Variants in LMOD1 observed in about 807,000 individuals in gnomAD.
The protein encoded by LMOD1 is leiomodin 1.
A neutral mutation model predicts 36.5 loss-of-function variants in LMOD1; 8 were observed. The observed-to-expected ratio is 0.22, with a 90% CI of 0.13 to 0.40. The LOEUF (loss-of-function observed/expected upper bound fraction) is 0.40, where lower values mean the gene tolerates loss of function less well. Among genes scored for constraint, LMOD1 ranks in the 10% least tolerant of loss-of-function variants. LMOD1 has a pLI of 1.00. For missense variants in LMOD1, 630 were observed against 751.1 expected, an observed-to-expected ratio of 0.84 and a Z score of 1.88; for synonymous variants, 284 against 288.7, an observed-to-expected ratio of 0.98 and a Z score of 0.17.
chr1:201,946,173 C>A lies in LMOD1; in HGVS notation c.168G>T (p.Glu56Asp). 1 of 1,614,038 alleles carries A rather than the reference C, an allele frequency of 6.2e-7. No homozygotes were observed. Among genetic ancestry groups the A allele is most frequent in the East Asian group, 2.2e-5 (1 of 44,882 alleles). The part of the protein sequence containing the change: ...PVGLRQRNQT[E>D]KQSTGVYNRE... ...GGTTGTACACACCCGTGGACTGTTT[C>A]TCCGTCTGGTTTCTCTGCCGCAGCC... The change falls in exon 1 of 3, where the codon GAG becomes GAT. Residue 56 changes from glutamate to aspartate, a missense_variant. Transcript: ENST00000367288.
chr1:201,930,024 A>C (rs1681892384), intron 1 of LMOD1, among the ~76,000 whole-genome samples: 1 of 152,162 alleles, frequency 6.6e-6, no homozygotes, highest in African/African-American at 2.4e-5. Context: ...TCCCAGTTGG[A>C]GGCGACAATA....
chr1:201,899,858 G>T lies in LMOD1; in HGVS notation c.1155C>A (p.Ala385=). The T allele has an allele frequency of 6.2e-7, 1 of 1,614,002 alleles. No homozygotes were observed. Among genetic ancestry groups the T allele is most frequent in the African/African-American group, 1.3e-5 (1 of 75,050 alleles). The change falls in exon 2 of 3, where the codon GCC becomes GCA. Residue 385 remains alanine, a synonymous_variant. Coordinates refer to ENST00000367288, the MANE Select transcript of LMOD1 (RefSeq NM_012134.3). This position sits in a 1 kb window ranked among gnomAD's most constrained non-coding sequence, Gnocchi z 6.3. ...VAFAIAIMLK[A]NKTITSLNLD... ...GGTTGAGGCTGGTGATGGTCTTGTT[G>T]GCCTTGAGCATGATGGCAATGGCAA...
At chr1:201,904,850 G>A (rs548909292) in intron 1 of LMOD1, among the ~76,000 whole-genome samples, 1 of 152,292 alleles carries the variant, frequency 6.6e-6, no homozygotes, top group African/African-American at 2.4e-5. Flanking sequence ...CCAGGGCTGG[G>A]ATTTCTGTTG....
At chr1:201,937,636 C>A (rs1379302936) in intron 1 of LMOD1, among the ~76,000 whole-genome samples, 1 of 151,994 alleles carries the variant, frequency 6.6e-6, no homozygotes, top group African/African-American at 2.4e-5. Flanking sequence ...CATGGTGGTG[C>A]ACAACTGTAG....
Position 201,904,689 on chromosome 1 carries a change from GA to G in LMOD1, c.262-3939del, listed in dbSNP as rs1340613324. ...GCCAACACTTTAAAAAGAACCTAAT[GA>G]AAAACAGGCTGGGGGTGGGAGGGAA... is the stretch of plus-strand genomic sequence containing the variant. On this transcript the variant is annotated intron_variant, in intron 1 of 2. Coordinates refer to ENST00000367288, the MANE Select transcript of LMOD1 (RefSeq NM_012134.3). Among the ~76,000 whole-genome samples the G allele has an allele frequency of 1.1e-4, 16 of 152,156 alleles. No individual in the cohort carries two copies. The East Asian group carries it at 2.7e-3, about 26-fold the overall frequency.
chr1:201,938,131 C>CTT (rs200629884), intron 1 of LMOD1, among the ~76,000 whole-genome samples: 6,831 of 139,366 alleles, frequency 0.049, 348 homozygotes, highest in African/African-American at 0.13. Flanking sequence ...TTGTAATTTC[C>CTT]TTTTTTTTTT....
At chr1:201,927,053 T>C (rs1415520248) in intron 1 of LMOD1, among the ~76,000 whole-genome samples, 1 of 152,232 alleles carries the variant, frequency 6.6e-6, no homozygotes, top group African/African-American at 2.4e-5. Context: ...TTTTGCATAC[T>C]GTCTATGATG....
At chr1:201,938,400 A>G (rs748833340) in intron 1 of LMOD1, among the ~76,000 whole-genome samples, 2 of 152,162 alleles carry the variant, frequency 1.3e-5, no homozygotes, top group Non-Finnish European at 2.9e-5. Context: ...AAGTGCTGGG[A>G]TTACAGGCAT....
At chr1:201,903,625 C>G (rs1681365544) in intron 1 of LMOD1, among the ~76,000 whole-genome samples, 1 of 152,236 alleles carries the variant, frequency 6.6e-6, no homozygotes, top group African/African-American at 2.4e-5. Context: ...GAAATTCCCT[C>G]TCCTATTCCC....
chr1:201,901,843 A>G (rs1051874785), intron 1 of LMOD1, among the ~76,000 whole-genome samples: 1 of 148,920 alleles, frequency 6.7e-6, no homozygotes, highest in Non-Finnish European at 1.5e-5. Context: ...TGAGATACAG[A>G]AATTTTATAA....
At chr1:201,932,346 A>T (rs1157941659) in intron 1 of LMOD1, among the ~76,000 whole-genome samples, 3 of 152,090 alleles carry the variant, frequency 2.0e-5, no homozygotes, top group Non-Finnish European at 4.4e-5. Context: ...GAGGAATCTG[A>T]CCTGGGCTTT....
At chr1:201,898,733 G>A (rs759875112) in intron 2 of LMOD1, among the ~76,000 whole-genome samples, 1 of 152,182 alleles carries the variant, frequency 6.6e-6, no homozygotes, top group Admixed American at 6.5e-5. Context: ...AGGGTGTCCA[G>A]GGATGGCTCC....
chr1:201,907,453 A>G (rs1681429550), intron 1 of LMOD1, among the ~76,000 whole-genome samples: 1 of 152,180 alleles, frequency 6.6e-6, no homozygotes, highest in African/African-American at 2.4e-5. Context: ...CTCCTATCTG[A>G]GCCCCTGCCC....
rs754936578 is a variant in LMOD1 at position 201,946,183 on chromosome 1, T to C, written c.158A>G (p.Asn53Ser). ...ACCCGTGGACTGTTTCTCCGTCTGG[T>C]TTCTCTGCCGCAGCCCCACGGGAAC... ...GSVPVGLRQRNQTEKQSTGVY... is the reference protein window; with the variant it reads ...GSVPVGLRQRSQTEKQSTGVY... Residue 53 changes from asparagine to serine, a missense_variant, in exon 1 of 3, where the codon AAC becomes AGC. Around this residue, in one of 3 missense-constraint regions of LMOD1, gnomAD observed 405 missense variants for 400.6 expected, o/e 1.01. Transcript: ENST00000367288. The C allele has an allele frequency of 2.5e-6, 4 of 1,614,008 alleles. No homozygotes were observed. In the Admixed American group the frequency reaches 6.7e-5, roughly 27 times the overall value.
chr1:201,908,972 C>T (rs1681451489), intron 1 of LMOD1, among the ~76,000 whole-genome samples: 1 of 152,232 alleles, frequency 6.6e-6, no homozygotes, highest in Admixed American at 6.5e-5. Context: ...GAGGCTTGTG[C>T]TCTCATTCCG....
rs537273948 is a variant in LMOD1, at chr1:201,900,656, T to C, written c.357A>G (p.Ser119=). Residue 119 remains serine, a synonymous_variant, in exon 2 of 3, where the codon TCA becomes TCG. Transcript: ENST00000367288. The stretch of plus-strand genomic sequence containing the variant: ...CCCTCTTTGGCTCCTTCCCCAGATC[T>C]GAGTCCCGTCTGGGGCCCAGGGCTT... ...SKKALGPRRD[S]DLGKEPKRGG... is the part of the protein sequence containing the mutation. 6.8e-5 allele frequency: 109 copies of C among 1,613,912 alleles called. No homozygotes were observed. The South Asian group carries it at 1.1e-3, about 17-fold the overall frequency.
At chr1:201,910,390 C>T (rs1159654982) in intron 1 of LMOD1, among the ~76,000 whole-genome samples, 1 of 152,036 alleles carries the variant, frequency 6.6e-6, no homozygotes. Context: ...CTTCCCACCT[C>T]AGGCTCCTGA....
At chr1:201,941,619 C>A (rs1009745739) in intron 1 of LMOD1, among the ~76,000 whole-genome samples, 7 of 152,240 alleles carry the variant, frequency 4.6e-5, no homozygotes, top group African/African-American at 1.7e-4. Context: ...GGTTAGGCCG[C>A]CGGCCTCGGG....
intron 1 of LMOD1, among the ~76,000 whole-genome samples, chr1:201,911,636 G>C (rs1681498733): frequency 6.6e-6 from 1 of 152,170 alleles, no homozygotes; most frequent in South Asian, 2.1e-4. Flanking sequence ...CTGCACTCTA[G>C]CCTGGGCGAC....
Sources: allele counts gnomAD v4.1 joint callset (sites outside exome capture counted in the v4.1 genomes callset), GRCh38; gene constraint gnomAD v4.1.1; regional missense constraint gnomAD v4.1.1; non-coding constraint Gnocchi (gnomAD v3.1); transcripts MANE v1.5; gene names NCBI Gene and HGNC (gene_info 2026-07-23, HGNC 2026-07-21).